Variants in ZNF532 observed in about 807,000 individuals in gnomAD.
ZNF532 encodes the protein zinc finger protein 532.
ZNF532 carries 22 observed loss-of-function variants against 89.3 expected under a neutral mutation model. That is an observed-to-expected ratio of 0.25 (90% CI 0.18 to 0.35). The LOEUF (loss-of-function observed/expected upper bound fraction) is 0.35. ZNF532 is among the 10% of genes least tolerant of loss of function. The pLI, the probability that ZNF532 is intolerant of heterozygous loss-of-function variation, is 1.00. For missense variants in ZNF532, 1,132 were observed against 1,643.4 expected (o/e 0.69, Z 5.38); for synonymous variants, 606 against 649.6 (o/e 0.93, Z 1.02).
chr18:58,916,618 T>C (rs143936765), intron 2 of ZNF532: 5 of 722,214 alleles, frequency 6.9e-6, no homozygotes, highest in African/African-American at 3.8e-5. Flanking sequence ...CAGGTGTGAA[T>C]AGAAGCGGAT....
intron 7 of ZNF532, among the ~76,000 whole-genome samples, chr18:58,954,912 A>T (rs1220231795): frequency 2.0e-5 from 3 of 151,972 alleles, no homozygotes; most frequent in Non-Finnish European, 1.5e-5. Flanking sequence ...ATGGGATTTT[A>T]CCAGGTTGGC....
chr18:58,948,339 G>GGGAT, intron 6 of ZNF532, 110 bp downstream of exon 6: 1 of 1,147,898 alleles, frequency 8.7e-7, no homozygotes. Context: ...GTCGAGGGAA[G>GGGAT]GGATGGATGC....
chr18:58,981,736 G>A, intron 9 of ZNF532, 119 bp downstream of exon 9: 1 of 1,371,122 alleles, frequency 7.3e-7, no homozygotes. Flanking sequence ...AGACTGGCTG[G>A]GTGCGGTGGC....
chr18:58,929,517 G>T (rs1204318742), intron 3 of ZNF532, among the ~76,000 whole-genome samples: 1 of 152,132 alleles, frequency 6.6e-6, no homozygotes, highest in East Asian at 1.9e-4. Context: ...TTGGCTTTTG[G>T]TCCTGCTCTT....
At chr18:58,953,154 G>A (rs1294351188) in intron 6 of ZNF532, 1 of 173,332 alleles carries the variant, frequency 5.8e-6, no homozygotes, top group Middle Eastern at 2.7e-3. Context: ...CAGGCTGATG[G>A]GAAAGGAGAG....
At chr18:58,917,805 T>C (rs2060715443) in intron 2 of ZNF532, among the ~76,000 whole-genome samples, 1 of 152,200 alleles carries the variant, frequency 6.6e-6, no homozygotes, top group Non-Finnish European at 1.5e-5. Flanking sequence ...TTGAAATCTG[T>C]ACTTGCCTTT....
At chr18:58,959,517 G>A (rs1158577222) in intron 7 of ZNF532, among the ~76,000 whole-genome samples, 1 of 152,042 alleles carries the variant, frequency 6.6e-6, no homozygotes, top group East Asian at 1.9e-4. Context: ...CTCCCAAAGT[G>A]CTGGGATTAT....
At chr18:58,876,124 C>T (rs764029823) in intron 2 of ZNF532, among the ~76,000 whole-genome samples, 17 of 151,870 alleles carry the variant, frequency 1.1e-4, no homozygotes, top group Admixed American at 2.0e-4. Context: ...TTAGTAGAGA[C>T]GGGGTTTCAC....
At chr18:58,967,640 C>T (rs2066059052) in intron 7 of ZNF532, among the ~76,000 whole-genome samples, 1 of 152,084 alleles carries the variant, frequency 6.6e-6, no homozygotes, top group South Asian at 2.1e-4. Flanking sequence ...GCATGGAGAG[C>T]CTGGCAAGTT....
intron 8 of ZNF532, chr18:58,981,155 G>A (rs2067721326): frequency 3.4e-6 from 1 of 296,802 alleles, no homozygotes; most frequent in Admixed American, 4.9e-5. Flanking sequence ...ATAATTAACA[G>A]CAGCACAAAG....
Position 58,931,381 on chromosome 18 carries a change from TC to T in ZNF532, c.2347-3047del, listed in dbSNP as rs201721146. Among the ~76,000 whole-genome samples, 1,148 of 152,090 alleles carry T rather than the reference TC, an allele frequency of 7.5e-3. 28 individuals are homozygous for T. Among genetic ancestry groups the T allele is most frequent in the Admixed American group, 0.057 (866 of 15,272 alleles). On this transcript the variant is annotated intron_variant, in intron 3 of 9. Coordinates refer to ENST00000591808, the MANE Select transcript of ZNF532 (RefSeq NM_001375912.1). Reference sequence around the variant, plus strand: ...TTGTGTGCCCTCATGCTCAAATACATCCCCCAAACCCAGAGGATGTTCATTA... The same window carrying T: ...TTGTGTGCCCTCATGCTCAAATACATCCCCAAACCCAGAGGATGTTCATTA...
intron 2 of ZNF532, chr18:58,916,578 G>A: frequency 5.6e-6 from 2 of 357,856 alleles, no homozygotes; most frequent in Non-Finnish European, 7.8e-6. Context: ...AAAAGCACAT[G>A]TGACTTCTTC....
Position 58,918,504 on chromosome 18 carries a change from TC to T in ZNF532, c.218del (p.Ser73PhefsTer38). On this transcript the variant is annotated frameshift_variant, in exon 3 of 10. Coordinates refer to ENST00000591808, the MANE Select transcript of ZNF532 (RefSeq NM_001375912.1). LOFTEE classifies it high-confidence loss of function. ...CGTCAAGAATGTTCGGAACATTGAC[TC>T]TTCCGAGGGCGGGGAGAAAGACGGC... is the stretch of plus-strand genomic sequence containing the variant. ...VIVKNVRNIDSSEGGEKDGHN... is the reference protein window; with the variant it reads ...VIVKNVRNIDXSEGGEKDGHN... The T allele has an allele frequency of 6.2e-7, 1 of 1,614,204 alleles. No homozygotes were observed. The highest frequency in any genetic ancestry group is 8.5e-7 in the Non-Finnish European group (1 of 1,180,042).
At chr18:58,869,781 T>G (rs1032241686) in intron 2 of ZNF532, among the ~76,000 whole-genome samples, 2 of 150,422 alleles carry the variant, frequency 1.3e-5, no homozygotes, top group Admixed American at 6.6e-5. Context: ...TTTTTTTTTT[T>G]TTGGAGTTGG....
rs545828311 is a variant in ZNF532 at position 58,942,212 on chromosome 18, T to C, written c.2705+2591T>C. Among the ~76,000 whole-genome samples, 515 of 151,372 alleles carry C rather than the reference T, an allele frequency of 3.4e-3. 1 individual carries two copies. Among genetic ancestry groups the C allele is most frequent in the Middle Eastern group, 6.8e-3 (2 of 292 alleles). On this transcript the variant is annotated intron_variant, in intron 5 of 9. Coordinates refer to ENST00000591808, the MANE Select transcript of ZNF532 (RefSeq NM_001375912.1). ...TAATTTTTTGTATTTTTAGTAGAGATGGGGTTTCACCGTGTTAGCCAGGAT... is the reference window on the plus strand; with the variant it reads ...TAATTTTTTGTATTTTTAGTAGAGACGGGGTTTCACCGTGTTAGCCAGGAT...
chr18:58,942,044 C>A (rs867644304), intron 5 of ZNF532, among the ~76,000 whole-genome samples: 7 of 145,774 alleles, frequency 4.8e-5, no homozygotes, highest in South Asian at 2.4e-4. Context: ...CCCGCCCCCC[C>A]CTCAGTCTCG....
chr18:58,912,047 CT>C (rs1220724019), intron 2 of ZNF532, among the ~76,000 whole-genome samples: 4 of 152,030 alleles, frequency 2.6e-5, no homozygotes, highest in Non-Finnish European at 4.4e-5. Context: ...GGGGAGCCTA[CT>C]TTTATAACCT....
chr18:58,985,592 C>T lies in ZNF532; in HGVS notation c.*1126C>T, dbSNP rs1426467381. 2 of 152,518 alleles carry T rather than the reference C, an allele frequency of 1.3e-5. No homozygotes were observed. The allele number at this position is 152,518 out of a possible 1,614,324, so 9.4% of individuals were successfully genotyped here. On this transcript the variant is annotated 3_prime_UTR_variant, in exon 10 of 10. Coordinates refer to ENST00000591808, the MANE Select transcript of ZNF532 (RefSeq NM_001375912.1). ...AGCACTGAGCCACCCGGGTTTAGTT[C>T]AGCCATTTCAAGAAGTATATTTAAC...
intron 2 of ZNF532, among the ~76,000 whole-genome samples, chr18:58,900,472 G>A (rs1037777730): frequency 6.6e-5 from 10 of 152,120 alleles, no homozygotes; most frequent in African/African-American, 2.4e-4. Flanking sequence ...AGGGTCGGGG[G>A]CTCCCTGTTT....
Sources: gnomAD v4.1 joint callset for allele counts (sites outside exome capture counted in the v4.1 genomes callset) on GRCh38, gnomAD v4.1.1 for gene constraint, MANE v1.5 for transcripts, NCBI Gene and HGNC (gene_info 2026-07-23, HGNC 2026-07-21) for gene names.